Variants in NR3C2 observed in about 807,000 individuals in gnomAD.
The protein encoded by NR3C2 is mineralocorticoid receptor.
NR3C2 carries 15 observed loss-of-function variants against 86.4 expected under a neutral mutation model. The observed-to-expected ratio is 0.17, with a 90% CI of 0.12 to 0.27. The LOEUF (loss-of-function observed/expected upper bound fraction) is 0.27. Among genes scored for constraint, NR3C2 ranks in the 10% least tolerant of loss-of-function variants. The probability of loss-of-function intolerance (pLI) is 1.00; values close to 1 mark genes in which losing one functional copy is unlikely to be tolerated. For missense variants in NR3C2, 960 were observed against 1,195.6 expected (o/e 0.80, Z 2.91); for synonymous variants, 458 against 450.5 (o/e 1.02, Z -0.21).
At chr4:148,234,023 A>C (rs765273215) in intron 3 of NR3C2, among the ~76,000 whole-genome samples, 1 of 152,164 alleles carries the variant, frequency 6.6e-6, no homozygotes, top group Non-Finnish European at 1.5e-5. Flanking sequence ...CAATAAACAA[A>C]GTATAATAAA....
At position 148,097,994 on chromosome 4, in the gene NR3C2, C is replaced by T. The variant is rs550538754; in HGVS notation, c.2799+16110G>A. Among the ~76,000 whole-genome samples the T allele has an allele frequency of 1.8e-4, 28 of 152,148 alleles. No individual in the cohort carries two copies. The South Asian group carries it at 3.9e-3, about 21-fold the overall frequency. ...TTCAGCGACTTCCCCCTGTACTCTT[C>T]GACCAATCAATGACCTCCACACTTC... On this transcript the variant is annotated intron_variant, in intron 8 of 8. Transcript: ENST00000358102.
At chr4:148,268,005 T>C (rs1398094708) in intron 2 of NR3C2, among the ~76,000 whole-genome samples, 5 of 150,118 alleles carry the variant, frequency 3.3e-5, no homozygotes, top group Middle Eastern at 6.8e-3. Context: ...AGTGGCGTGA[T>C]CTCAGCTCAC....
intron 3 of NR3C2, among the ~76,000 whole-genome samples, chr4:148,195,438 A>G (rs529590117): frequency 6.6e-6 from 1 of 152,356 alleles, no homozygotes; most frequent in East Asian, 1.9e-4. Context: ...TTTATTCAAA[A>G]ATATTTACTA....
intron 2 of NR3C2, among the ~76,000 whole-genome samples, chr4:148,363,504 C>CTTTTTTTTTTTTTTTTTT (rs1375693723): frequency 0.019 from 1,341 of 69,588 alleles, 293 homozygotes; most frequent in Admixed American, 0.028. Context: ...TCTCATAGAT[C>CTTTTTTTTTTTTTTTTTT]TCTTTTTTTT....
At chr4:148,161,691 G>A (rs1376902321) in intron 4 of NR3C2, among the ~76,000 whole-genome samples, 1 of 151,996 alleles carries the variant, frequency 6.6e-6, no homozygotes. Flanking sequence ...TAAATTTGTT[G>A]CAATTGTTAT....
chr4:148,080,680 C>A lies in NR3C2; in HGVS notation c.*664G>T. On this transcript the variant is annotated 3_prime_UTR_variant, in exon 9 of 9. Coordinates refer to ENST00000358102, the MANE Select transcript of NR3C2 (RefSeq NM_000901.5). ...TGCAAAAAATTATTTGTAAAGCCAA[C>A]ACAATAGATACTAGAAATCAAACCA... 1 of 248,752 alleles carries A rather than the reference C, an allele frequency of 4.0e-6. No homozygotes were observed. The highest frequency in any genetic ancestry group is 8.7e-6 in the Non-Finnish European group (1 of 115,324). The allele number at this position is 248,752 out of a possible 1,614,324, so 15.4% of individuals were successfully genotyped here.
rs533783630 is a variant in NR3C2, at chr4:148,172,980, T to A, written c.2015-18079A>T. ...GCTTTCCCCACTGTGTAAAGGTTGA[T>A]CTCTGAGGAGTACACTTAACCTGGA... On this transcript the variant is annotated intron_variant, in intron 4 of 8. Transcript: ENST00000358102. Among the ~76,000 whole-genome samples, 5 of 152,308 alleles carry A rather than the reference T, an allele frequency of 3.3e-5. No individual in the cohort carries two copies. The South Asian group carries it at 1.0e-3, about 32-fold the overall frequency.
At chr4:148,212,243 C>A (rs1737318731) in intron 3 of NR3C2, among the ~76,000 whole-genome samples, 1 of 152,240 alleles carries the variant, frequency 6.6e-6, no homozygotes, top group South Asian at 2.1e-4. Flanking sequence ...TTCTTAGTAG[C>A]AATGATTGCT....
chr4:148,270,583 C>T (rs1317412542), intron 2 of NR3C2, among the ~76,000 whole-genome samples: 1 of 152,018 alleles, frequency 6.6e-6, no homozygotes, highest in African/African-American at 2.4e-5. Context: ...ATTACCACTC[C>T]TCAAAATATT....
intron 3 of NR3C2, among the ~76,000 whole-genome samples, chr4:148,254,071 T>A (rs956242334): frequency 2.0e-5 from 3 of 152,070 alleles, no homozygotes; most frequent in South Asian, 2.1e-4. Flanking sequence ...TTTCAGATGG[T>A]CTTACTATCT....
At chr4:148,330,799 C>T (rs570682970) in intron 2 of NR3C2, among the ~76,000 whole-genome samples, 1 of 152,066 alleles carries the variant, frequency 6.6e-6, no homozygotes, top group Non-Finnish European at 1.5e-5. Flanking sequence ...GGGGCGGATC[C>T]CCTCATAAAT....
At position 148,081,007 on chromosome 4, in the gene NR3C2, C is replaced by T. The variant is rs1395534666; in HGVS notation, c.*337G>A. On this transcript the variant is annotated 3_prime_UTR_variant, in exon 9 of 9. Coordinates refer to ENST00000358102, the MANE Select transcript of NR3C2 (RefSeq NM_000901.5). ...ACCCTTTTAAAACAAGCGAACGATA[C>T]CAGAAACTACACGGCATAGTTAAAA... The T allele has an allele frequency of 8.1e-6, 3 of 369,172 alleles. 1 individual carries two copies. Among genetic ancestry groups the T allele is most frequent in the Non-Finnish European group, 1.6e-5 (3 of 191,280 alleles). The allele number at this position is 369,172 out of a possible 1,614,324, so 22.9% of individuals were successfully genotyped here. A position where few individuals can be genotyped will look rare whatever the true frequency, so the allele number is the denominator to read the frequency against.
At chr4:148,143,947 C>CAAAAAAA (rs67177081) in intron 6 of NR3C2, among the ~76,000 whole-genome samples, 16 of 64,356 alleles carry the variant, frequency 2.5e-4, no homozygotes, top group South Asian at 9.4e-4. Context: ...AACTCTGTCT[C>CAAAAAAA]AAAAAAAAAA....
intron 3 of NR3C2, among the ~76,000 whole-genome samples, chr4:148,198,712 A>G (rs1192749889): frequency 6.6e-6 from 1 of 152,092 alleles, no homozygotes; most frequent in African/African-American, 2.4e-5. Flanking sequence ...AGAACTAAAA[A>G]AAAAAAGAAA....
chr4:148,136,067 A>AAAC (rs1733307503), intron 6 of NR3C2, among the ~76,000 whole-genome samples: 1 of 97,594 alleles, frequency 1.0e-5, no homozygotes, highest in Non-Finnish European at 2.3e-5. Context: ...AAAAAAAAAA[A>AAAC]AAAAAAAAAC....
Position 148,246,530 on chromosome 4 carries a change from A to T in NR3C2, c.1897+13448T>A, listed in dbSNP as rs76305381. On this transcript the variant is annotated intron_variant, in intron 3 of 8. Transcript: ENST00000358102. ...CAAATAAATCCTAATCAGAAATGTT[A>T]GGAGTATGTTTAATTTTATTATTTT... Among the ~76,000 whole-genome samples the T allele has an allele frequency of 3.1e-3, 475 of 152,246 alleles. 1 individual carries two copies. Among genetic ancestry groups the T allele is most frequent in the Non-Finnish European group, 5.0e-3 (340 of 68,000 alleles).
intron 2 of NR3C2, among the ~76,000 whole-genome samples, chr4:148,354,153 G>A (rs1247198036): frequency 6.6e-6 from 1 of 151,894 alleles, no homozygotes; most frequent in Non-Finnish European, 1.5e-5. Flanking sequence ...TTCCTTCTCA[G>A]CCTGCTTGAC....
chr4:148,112,769 T>G (rs1241978662), intron 8 of NR3C2, among the ~76,000 whole-genome samples: 1 of 152,202 alleles, frequency 6.6e-6, no homozygotes, highest in Non-Finnish European at 1.5e-5. Context: ...CAATCAACCT[T>G]ATGCCATTAG....
intron 1 of NR3C2, among the ~76,000 whole-genome samples, chr4:148,438,941 T>C (rs1391736901): frequency 1.3e-5 from 2 of 152,244 alleles, no homozygotes; most frequent in Admixed American, 6.5e-5. Flanking sequence ...CTACCAATTA[T>C]GTAGTATGTT....
Sources: allele counts gnomAD v4.1 joint callset (sites outside exome capture counted in the v4.1 genomes callset), GRCh38; gene constraint gnomAD v4.1.1; transcripts MANE v1.5; gene names NCBI Gene and HGNC (gene_info 2026-07-23, HGNC 2026-07-21).